The following TJAP1 variants were observed in gnomAD, a reference collection of about 807,000 sequenced individuals.
The protein encoded by TJAP1 is tight junction-associated protein 1.
Under a neutral mutation model 42.0 loss-of-function variants are expected in TJAP1, and 27 were observed. That is an observed-to-expected ratio of 0.64 (90% CI 0.47 to 0.89). The LOEUF (loss-of-function observed/expected upper bound fraction) is 0.89. TJAP1 is among the 40% of genes least tolerant of loss of function. The probability of loss-of-function intolerance (pLI) is 0.00; values close to 1 mark genes in which losing one functional copy is unlikely to be tolerated. For synonymous variants in TJAP1, 257 were observed against 288.4 expected (o/e 0.89, Z 1.10); for missense variants, 712 against 726.9 (o/e 0.98, Z 0.24).
At chr6:43,500,696 G>C in intron 4 of TJAP1, 48 bp from the exon 5 acceptor site, 3 of 1,613,070 alleles carry the variant, frequency 1.9e-6, no homozygotes, top group Non-Finnish European at 2.5e-6. Flanking sequence ...AGCCAGCCGG[G>C]GGTCCAGTGG....
intron 2 of TJAP1, among the ~76,000 whole-genome samples, chr6:43,479,213 A>T (rs1487866849): frequency 6.6e-6 from 1 of 152,192 alleles, no homozygotes; most frequent in African/African-American, 2.4e-5. Flanking sequence ...CAGGATCAGC[A>T]TCGCTTCATG....
intron 2 of TJAP1, among the ~76,000 whole-genome samples, chr6:43,484,101 T>C (rs992283755): frequency 6.6e-6 from 1 of 151,554 alleles, no homozygotes; most frequent in African/African-American, 2.4e-5. Flanking sequence ...AAATAAAATA[T>C]GGGTGACATC....
intron 4 of TJAP1, 99 bp from the exon 5 acceptor site, chr6:43,500,645 G>C: frequency 7.4e-7 from 1 of 1,350,974 alleles, no homozygotes; most frequent in Non-Finnish European, 1.1e-6. Flanking sequence ...AAGAGTCTTT[G>C]GGCTTCACAC....
intron 4 of TJAP1, 73 bp downstream of exon 4, chr6:43,499,173 C>T: frequency 1.3e-6 from 2 of 1,581,572 alleles, no homozygotes; most frequent in Non-Finnish European, 1.7e-6. Context: ...GCTGACTTCT[C>T]CTGCCTGAGC....
intron 8 of TJAP1, chr6:43,502,970 C>G: frequency 4.2e-6 from 2 of 478,754 alleles, no homozygotes; most frequent in Non-Finnish European, 7.6e-6. Flanking sequence ...CAGCTTGCTC[C>G]CTGCTCAACA....
At chr6:43,504,115 CTTTTTT>C (rs869310556) in intron 10 of TJAP1, 1 of 257,682 alleles carries the variant, frequency 3.9e-6, no homozygotes, top group Non-Finnish European at 7.7e-6. Flanking sequence ...AGAGGTATTT[CTTTTTT>C]TTTTTTTTTT....
At chr6:43,487,721 A>G (rs1314150816) in intron 2 of TJAP1, among the ~76,000 whole-genome samples, 1 of 152,166 alleles carries the variant, frequency 6.6e-6, no homozygotes, top group African/African-American at 2.4e-5. Context: ...ATAAACATAC[A>G]TCCCTTGTGT....
At chr6:43,502,076 A>ACACTCTCTCTCTCTCTCTCT (rs767085594) in intron 6 of TJAP1, among the ~76,000 whole-genome samples, 3 of 68,930 alleles carry the variant, frequency 4.4e-5, no homozygotes, top group Non-Finnish European at 8.2e-5. Context: ...ACACACACAC[A>ACACTCTCTCTCTCTCTCTCT]CTCTCTCTCT....
chr6:43,487,904 T>C (rs1255667392), intron 2 of TJAP1, among the ~76,000 whole-genome samples: 1 of 151,092 alleles, frequency 6.6e-6, no homozygotes, highest in Non-Finnish European at 1.5e-5. Flanking sequence ...AGTTTCGCTC[T>C]TGTCACCCAG....
At chr6:43,481,640 G>GA (rs745900199) in intron 2 of TJAP1, among the ~76,000 whole-genome samples, 7 of 151,920 alleles carry the variant, frequency 4.6e-5, no homozygotes, top group Non-Finnish European at 1.0e-4. Flanking sequence ...AGCTGAATGG[G>GA]AAAATAGAAA....
chr6:43,505,494 C>G lies in TJAP1; in HGVS notation c.1313C>G (p.Ala438Gly). The stretch of plus-strand genomic sequence containing the variant: ...CAGCGCACAGCCTTTGGACGCGATG[C>G]CCTCCCTGAGCTGCAGCGCCATTTT... The change falls in exon 11 of 11, where the codon GCC becomes GGC. Residue 438 changes from alanine to glycine, a missense_variant. By Grantham distance (60) the Ala-to-Gly change is moderately conservative. Transcript: ENST00000372449. The surrounding 1 kb of genome is among the most constrained non-coding windows in gnomAD (Gnocchi z 5.5). 6.2e-7 allele frequency: 1 copy of G among 1,613,812 alleles called. No homozygotes were observed. The highest frequency in any genetic ancestry group is 1.3e-5 in the African/African-American group (1 of 75,062).
intron 2 of TJAP1, among the ~76,000 whole-genome samples, chr6:43,490,811 G>A (rs1386707196): frequency 6.6e-6 from 1 of 152,212 alleles, no homozygotes; most frequent in East Asian, 1.9e-4. Flanking sequence ...GGCAGGACCT[G>A]GCTTCGGATT....
intron 5 of TJAP1, 54 bp downstream of exon 5, chr6:43,500,826 T>C: frequency 1.2e-6 from 2 of 1,603,428 alleles, no homozygotes; most frequent in East Asian, 2.2e-5. Context: ...CCCTCTTAGC[T>C]CCAGGCTAGA....
intron 2 of TJAP1, among the ~76,000 whole-genome samples, chr6:43,484,256 C>T (rs1428391303): frequency 6.6e-6 from 1 of 151,934 alleles, no homozygotes; most frequent in Non-Finnish European, 1.5e-5. Flanking sequence ...GTCAGGAGTT[C>T]GAGACCAGCC....
intron 2 of TJAP1, among the ~76,000 whole-genome samples, chr6:43,487,221 T>C (rs1786735611): frequency 6.6e-6 from 1 of 152,108 alleles, no homozygotes; most frequent in Non-Finnish European, 1.5e-5. Flanking sequence ...GGTGGGGAAC[T>C]CAATACCATC....
intron 6 of TJAP1, among the ~76,000 whole-genome samples, chr6:43,502,023 G>T (rs1169237759): frequency 8.6e-6 from 1 of 116,048 alleles, no homozygotes; most frequent in Non-Finnish European, 1.6e-5. Flanking sequence ...AACTGGATAA[G>T]TTCTGCAGGT....
At chr6:43,484,909 G>T (rs1161434587) in intron 2 of TJAP1, among the ~76,000 whole-genome samples, 1 of 152,176 alleles carries the variant, frequency 6.6e-6, no homozygotes, top group Non-Finnish European at 1.5e-5. Flanking sequence ...TGTATTTTTA[G>T]TGGAGGCGGG....
intron 2 of TJAP1, among the ~76,000 whole-genome samples, chr6:43,493,230 G>A (rs1004978966): frequency 6.6e-6 from 1 of 152,214 alleles, no homozygotes; most frequent in African/African-American, 2.4e-5. Flanking sequence ...GATTCAGAAG[G>A]TTGTGTTCAT....
chr6:43,501,891 CCACA>C (rs550223728), intron 6 of TJAP1, among the ~76,000 whole-genome samples: 699 of 38,926 alleles, frequency 0.018, 3 homozygotes, highest in Non-Finnish European at 0.022. Flanking sequence ...GAATGCGGGG[CCACA>C]CACACACACA....
Sources: allele counts gnomAD v4.1 joint callset (sites outside exome capture counted in the v4.1 genomes callset), GRCh38; gene constraint gnomAD v4.1.1; non-coding constraint Gnocchi (gnomAD v3.1); transcripts MANE v1.5; gene names NCBI Gene and HGNC (gene_info 2026-07-23, HGNC 2026-07-21).